Variants in FLVCR1 observed in about 807,000 individuals in gnomAD.
FLVCR1 encodes the protein FLVCR choline and heme transporter 1, also known as choline/ethanolamine transporter FLVCR1.
In FLVCR1, 34 loss-of-function variants were observed where a neutral mutation model predicts 53.6. The observed-to-expected ratio is 0.63, with a 90% CI of 0.48 to 0.84. FLVCR1 has a LOEUF of 0.84. Ranked by LOEUF, FLVCR1 falls within the 40% of genes least tolerant of loss-of-function variation. The pLI, the probability that FLVCR1 is intolerant of heterozygous loss-of-function variation, is 0.00. For missense variants in FLVCR1, 677 were observed against 696.7 expected (o/e 0.97, Z 0.32); for synonymous variants, 300 against 286.3 (o/e 1.05, Z -0.48).
intron 8 of FLVCR1, among the ~76,000 whole-genome samples, chr1:212,893,762 T>A (rs1665262255): frequency 6.6e-6 from 1 of 152,140 alleles, no homozygotes; most frequent in Admixed American, 6.5e-5. Context: ...TTTTTAGCAG[T>A]AAAGTGTTTT....
intron 5 of FLVCR1, among the ~76,000 whole-genome samples, chr1:212,886,467 C>T (rs995328944): frequency 1.3e-5 from 2 of 152,050 alleles, no homozygotes; most frequent in African/African-American, 2.4e-5. Flanking sequence ...TAAAGTACGC[C>T]CAGACTACAG....
At chr1:212,867,700 A>G (rs1396715513) in intron 2 of FLVCR1, among the ~76,000 whole-genome samples, 1 of 152,168 alleles carries the variant, frequency 6.6e-6, no homozygotes, top group Non-Finnish European at 1.5e-5. Flanking sequence ...TACTTTCCTG[A>G]TTCACTAAAA....
intron 3 of FLVCR1, among the ~76,000 whole-genome samples, chr1:212,880,923 C>A (rs1664911619): frequency 6.6e-6 from 1 of 152,110 alleles, no homozygotes; most frequent in Non-Finnish European, 1.5e-5. Context: ...CAAAGTTACT[C>A]AAGGATACAG....
chr1:212,885,983 C>A (rs1284739712), intron 5 of FLVCR1, among the ~76,000 whole-genome samples: 2 of 150,422 alleles, frequency 1.3e-5, no homozygotes, highest in Non-Finnish European at 3.0e-5. Flanking sequence ...GGAATTATTT[C>A]TATTCTAAAA....
intron 1 of FLVCR1, among the ~76,000 whole-genome samples, chr1:212,862,478 A>G (rs774656590): frequency 2.6e-5 from 4 of 152,226 alleles, no homozygotes; most frequent in Non-Finnish European, 5.9e-5. Context: ...TGCAAAGTTC[A>G]TCCATGTTGT....
Position 212,896,895 on chromosome 1 carries a change from G to A in FLVCR1, c.*1605G>A, listed in dbSNP as rs1665352384. The A allele has an allele frequency of 8.0e-6, 1 of 124,628 alleles. No homozygotes were observed. The highest frequency in any genetic ancestry group is 2.5e-4 in the South Asian group (1 of 3,986). 7.7% of individuals were successfully genotyped at this position (124,628 alleles called of 1,614,324 possible). A position where few individuals can be genotyped will look rare whatever the true frequency, so the allele number is the denominator to read the frequency against. ...AAAAAAAAAAAAAAAAAAAGGCCAG[G>A]CGCAGTGCTGTGGCTCATGCCTGTA... On this transcript the variant is annotated 3_prime_UTR_variant, in exon 10 of 10. Transcript: ENST00000366971.
intron 8 of FLVCR1, among the ~76,000 whole-genome samples, chr1:212,894,025 C>T (rs867456829): frequency 2.6e-5 from 4 of 152,114 alleles, no homozygotes; most frequent in Non-Finnish European, 5.9e-5. Flanking sequence ...ATCCACCCGC[C>T]TCGGCCTCTC....
intron 1 of FLVCR1, among the ~76,000 whole-genome samples, chr1:212,859,891 C>A (rs1194348952): frequency 1.3e-5 from 2 of 152,128 alleles, no homozygotes; most frequent in East Asian, 3.9e-4. Context: ...AAGATTGTTT[C>A]CATTTTGAGA....
chr1:212,860,308 C>T (rs1664182693), intron 1 of FLVCR1, among the ~76,000 whole-genome samples: 1 of 142,026 alleles, frequency 7.0e-6, no homozygotes, highest in Non-Finnish European at 1.5e-5. Context: ...GTTGCATCTG[C>T]AGGTTTGGAC....
At position 212,898,644 on chromosome 1, in the gene FLVCR1, AAT is replaced by A. The variant is rs2102581623; in HGVS notation, c.*3357_*3358del. On this transcript the variant is annotated 3_prime_UTR_variant, in exon 10 of 10. Transcript: ENST00000366971. ...TGTATTTTGAGTGAAAGTTGTCTGT[AAT>A]ATGTCAAGCAAGAATGTTATAATTC... 1 of 152,358 alleles carries A rather than the reference AAT, an allele frequency of 6.6e-6. No individual in the cohort carries two copies. Among genetic ancestry groups the A allele is most frequent in the African/African-American group, 2.4e-5 (1 of 41,572 alleles). The allele number at this position is 152,358 out of a possible 1,614,324, so 9.4% of individuals were successfully genotyped here. A position where few individuals can be genotyped will look rare whatever the true frequency, so the allele number is the denominator to read the frequency against.
intron 3 of FLVCR1, among the ~76,000 whole-genome samples, chr1:212,875,082 A>G (rs1202348440): frequency 6.6e-6 from 1 of 152,076 alleles, no homozygotes; most frequent in Non-Finnish European, 1.5e-5. Context: ...CTTATTGTTC[A>G]TTTTCGTGTT....
chr1:212,879,869 T>C (rs965258878), intron 3 of FLVCR1, among the ~76,000 whole-genome samples: 1 of 152,130 alleles, frequency 6.6e-6, no homozygotes, highest in Non-Finnish European at 1.5e-5. Context: ...ATTTTTTTTT[T>C]TTGAGGTTGC....
chr1:212,878,515 CAG>C (rs1173728274), intron 3 of FLVCR1, among the ~76,000 whole-genome samples: 3 of 120,698 alleles, frequency 2.5e-5, no homozygotes, highest in Non-Finnish European at 4.9e-5. Context: ...GCCTGGGCGA[CAG>C]AGTGAGTCTC....
intron 1 of FLVCR1, among the ~76,000 whole-genome samples, chr1:212,862,308 TA>T (rs1664269986): frequency 1.3e-5 from 2 of 152,336 alleles, no homozygotes; most frequent in South Asian, 4.1e-4. Flanking sequence ...GCCCAATACC[TA>T]CTAAACAGTC....
chr1:212,858,731 C>G lies in FLVCR1; in HGVS notation c.279C>G (p.Ala93=), dbSNP rs765148657. 2 of 1,610,092 alleles carry G rather than the reference C, an allele frequency of 1.2e-6. No individual in the cohort carries two copies. Among genetic ancestry groups the G allele is most frequent in the Non-Finnish European group, 1.7e-6 (2 of 1,178,914 alleles). The change falls in exon 1 of 10, where the codon GCC becomes GCG. Residue 93 remains alanine (A), a synonymous_variant. Coordinates refer to ENST00000366971, the MANE Select transcript of FLVCR1 (RefSeq NM_014053.4). The part of the protein sequence containing the change: ...PAGAGAETPG[A]ESSPLPLTAL... Reference sequence around the variant, plus strand: ...GCGCGGGAGCTGAGACCCCGGGGGCCGAGAGCAGCCCGCTGCCCCTTACGG... The same window carrying G: ...GCGCGGGAGCTGAGACCCCGGGGGCGGAGAGCAGCCCGCTGCCCCTTACGG...
intron 5 of FLVCR1, among the ~76,000 whole-genome samples, chr1:212,887,097 G>A (rs887600138): frequency 6.6e-6 from 1 of 152,142 alleles, no homozygotes; most frequent in Non-Finnish European, 1.5e-5. Flanking sequence ...TAGTCTAAAC[G>A]CTACCAAAAG....
In FLVCR1 at chr1:212,889,244, C is replaced by G; in HGVS notation, c.1512C>G (p.Gly504=). The change falls in exon 8 of 10, where the codon GGC becomes GGG. Residue 504 remains glycine, a synonymous_variant. Transcript: ENST00000366971. ...TTCTCTGTGTCTGGATGTTTATAGGCATCATATTAACAGGTAAATTAGGGC... is the reference window on the plus strand; with the variant it reads ...TTCTCTGTGTCTGGATGTTTATAGGGATCATATTAACAGGTAAATTAGGGC... ...NIFLCVWMFI[G]IILTALIKSD... is the part of the protein sequence containing the mutation. 2 of 1,606,478 alleles carry G rather than the reference C, an allele frequency of 1.2e-6. No individual in the cohort carries two copies. Among genetic ancestry groups the G allele is most frequent in the Non-Finnish European group, 1.7e-6 (2 of 1,173,124 alleles).
intron 1 of FLVCR1, 131 bp downstream of exon 1, chr1:212,859,321 G>T: frequency 2.2e-6 from 3 of 1,373,704 alleles, no homozygotes; most frequent in Non-Finnish European, 3.0e-6. Context: ...AGATGAAGCC[G>T]TTGAATAGGA....
rs1333273243 is a variant in FLVCR1, at chr1:212,858,493, C to T, written c.41C>T (p.Pro14Leu). 2.8e-6 allele frequency: 4 copies of T among 1,445,648 alleles called. No individual in the cohort carries two copies. Among genetic ancestry groups the T allele is most frequent in the South Asian group, 1.5e-5 (1 of 68,602 alleles). The allele number at this position is 1,445,648 out of a possible 1,614,324, so 89.6% of individuals were successfully genotyped here. A position where few individuals can be genotyped will look rare whatever the true frequency, so the allele number is the denominator to read the frequency against. ...GATGAGGAGGGGGCGGCGGTGGCGC[C>T]CGGACACCCGCTCGCGAAAGGATAC... Reference protein sequence around the residue: ...PDDEEGAAVAPGHPLAKGYLP... With the variant: ...PDDEEGAAVALGHPLAKGYLP... The change falls in exon 1 of 10, where the codon CCC (proline) becomes CTC (leucine). Residue 14 changes from proline to leucine, a missense_variant. By Grantham distance (98) the Pro-to-Leu change is moderately conservative. Transcript: ENST00000366971.
Sources: gnomAD v4.1 joint callset for allele counts (sites outside exome capture counted in the v4.1 genomes callset) on GRCh38, gnomAD v4.1.1 for gene constraint, MANE v1.5 for transcripts, NCBI Gene and HGNC (gene_info 2026-07-23, HGNC 2026-07-21) for gene names.